The following EEPD1 variants were observed in gnomAD, a reference collection of about 807,000 sequenced individuals.
EEPD1 encodes endonuclease/exonuclease/phosphatase family domain-containing protein 1.
In EEPD1, 17 loss-of-function variants were observed where a neutral mutation model predicts 46.3. The ratio of observed to expected loss-of-function variants is 0.37; its 90% CI spans 0.25 to 0.55. The LOEUF (loss-of-function observed/expected upper bound fraction) is 0.55. EEPD1 is among the 20% of genes least tolerant of loss of function. The pLI is 0.83. For synonymous variants in EEPD1, 313 were observed against 315.6 expected (o/e 0.99, Z 0.09); for missense variants, 673 against 745.6 (o/e 0.90, Z 1.13).
At chr7:36,245,080 G>C (rs1350184364) in intron 3 of EEPD1, among the ~76,000 whole-genome samples, 2 of 151,986 alleles carry the variant, frequency 1.3e-5, no homozygotes, top group Non-Finnish European at 2.9e-5. Flanking sequence ...TGAGTAGCTG[G>C]GATTACAGGT....
At chr7:36,180,848 G>GC (rs34189283) in intron 2 of EEPD1, among the ~76,000 whole-genome samples, 1 of 151,858 alleles carries the variant, frequency 6.6e-6, no homozygotes, top group Non-Finnish European at 1.5e-5. Flanking sequence ...GCAGGCTCAG[G>GC]CCCCCCACCC....
At position 36,155,082 on chromosome 7, in the gene EEPD1, G is replaced by T; in HGVS notation, c.758G>T (p.Gly253Val). The T allele has an allele frequency of 6.3e-7, 1 of 1,587,774 alleles. No individual in the cohort carries two copies. Among genetic ancestry groups the T allele is most frequent in the Non-Finnish European group, 8.6e-7 (1 of 1,165,816 alleles). ...CGGCCGTCCGTGGAGGCCTTTGGAG[G>T]CACAAGGGATGGGAGGCCTGTGCTG... ...STRPSVEAFG[G>V]TRDGRPVLRL... The change falls in exon 2 of 8, where the codon GGC becomes GTC. Residue 253 changes from glycine to valine, a missense_variant. Gly to Val is a moderately radical substitution (Grantham distance 109). Coordinates refer to ENST00000242108, the MANE Select transcript of EEPD1 (RefSeq NM_030636.3).
intron 3 of EEPD1, among the ~76,000 whole-genome samples, chr7:36,251,054 G>A (rs1334281020): frequency 1.3e-5 from 2 of 152,198 alleles, no homozygotes; most frequent in Non-Finnish European, 2.9e-5. Flanking sequence ...CACTGGCACA[G>A]AAACAACATC....
rs192056680 is a variant in EEPD1 at position 36,292,882 on chromosome 7, C to T, written c.1316-4111C>T. 5.6e-3 allele frequency among the ~76,000 whole-genome samples: 849 copies of T among 152,204 alleles called. 7 individuals carry two copies. The highest frequency in any genetic ancestry group is 7.7e-3 in the Non-Finnish European group (521 of 68,006). On this transcript the variant is annotated intron_variant, in intron 6 of 7. Coordinates refer to ENST00000242108, the MANE Select transcript of EEPD1 (RefSeq NM_030636.3). ...CAGCCCCTCTGTGACCACTCTTCCT[C>T]CTAGCTAATTTGGATTCATAAGTCG...
intron 5 of EEPD1, among the ~76,000 whole-genome samples, chr7:36,285,057 G>T (rs537721114): frequency 1.3e-5 from 2 of 152,260 alleles, no homozygotes; most frequent in South Asian, 2.1e-4. Context: ...GAGCAGGAGA[G>T]GGGGGAAGGA....
chr7:36,292,906 C>T (rs1036283335), intron 6 of EEPD1, among the ~76,000 whole-genome samples: 5 of 151,764 alleles, frequency 3.3e-5, no homozygotes, highest in Admixed American at 6.6e-5. Flanking sequence ...ATTCATAAGT[C>T]GAAAAGAGGA....
chr7:36,184,070 A>G (rs1785321150), intron 2 of EEPD1, among the ~76,000 whole-genome samples: 1 of 152,082 alleles, frequency 6.6e-6, no homozygotes, highest in Non-Finnish European at 1.5e-5. Flanking sequence ...AAAGGCTCAG[A>G]TAGTAAATAT....
Position 36,154,242 on chromosome 7 carries a change from G to T in EEPD1, c.-83G>T. 2 of 1,468,402 alleles carry T rather than the reference G, an allele frequency of 1.4e-6. No homozygotes were observed. The highest frequency in any genetic ancestry group is 1.8e-6 in the Non-Finnish European group (2 of 1,111,258). The allele number at this position is 1,468,402 out of a possible 1,614,324, so 91.0% of individuals were successfully genotyped here. On this transcript the variant is annotated 5_prime_UTR_variant, in exon 2 of 8. Transcript: ENST00000242108. The surrounding 1 kb of genome is among the most constrained non-coding windows in gnomAD (Gnocchi z 4.2). Reference sequence around the variant, plus strand: ...CTGCACCTTCCGTTTTTCTGTGCTTGTACGGCCTACTGGGCTTCCTCCCTA... The same window carrying T: ...CTGCACCTTCCGTTTTTCTGTGCTTTTACGGCCTACTGGGCTTCCTCCCTA...
chr7:36,267,260 A>G (rs975632261), intron 3 of EEPD1, among the ~76,000 whole-genome samples: 71 of 151,964 alleles, frequency 4.7e-4, no homozygotes, highest in African/African-American at 1.6e-3. Context: ...CCCTCTTCAC[A>G]CCCTGCAGTG....
intron 6 of EEPD1, among the ~76,000 whole-genome samples, chr7:36,290,863 A>T (rs1478422285): frequency 6.6e-6 from 1 of 152,216 alleles, no homozygotes; most frequent in African/African-American, 2.4e-5. Context: ...GGAGCGACAA[A>T]GGAGCCCAGC....
intron 2 of EEPD1, among the ~76,000 whole-genome samples, chr7:36,236,564 G>A (rs1287834003): frequency 4.6e-5 from 7 of 152,204 alleles, no homozygotes; most frequent in African/African-American, 1.4e-4. Context: ...ACAAAGTCCC[G>A]CTGCCAGTGC....
intron 2 of EEPD1, among the ~76,000 whole-genome samples, chr7:36,182,870 G>A (rs1785299131): frequency 6.6e-6 from 1 of 152,248 alleles, no homozygotes; most frequent in Non-Finnish European, 1.5e-5. Flanking sequence ...GCTTTGTAAA[G>A]TTGTGCTTCA....
At chr7:36,191,897 A>G (rs1785467705) in intron 2 of EEPD1, among the ~76,000 whole-genome samples, 1 of 152,204 alleles carries the variant, frequency 6.6e-6, no homozygotes, top group Non-Finnish European at 1.5e-5. Context: ...CTGGGATCCT[A>G]AACTGTTGTG....
In EEPD1 at chr7:36,223,122, A is replaced by G. The variant is rs183601621; in HGVS notation, c.879-15863A>G. ...GCCAAGATCACGCTACTGCACTCCAACCTGGGCGACAGAGTGAGACTGTGT... is the reference window on the plus strand; with the variant it reads ...GCCAAGATCACGCTACTGCACTCCAGCCTGGGCGACAGAGTGAGACTGTGT... On this transcript the variant is annotated intron_variant, in intron 2 of 7. Coordinates refer to ENST00000242108, the MANE Select transcript of EEPD1 (RefSeq NM_030636.3). Among the ~76,000 whole-genome samples, 1,125 of 152,090 alleles carry G rather than the reference A, an allele frequency of 7.4e-3. 7 individuals carry two copies. The highest frequency in any genetic ancestry group is 0.025 in the African/African-American group (1,054 of 41,476).
chr7:36,222,562 A>C (rs1052509106), intron 2 of EEPD1, among the ~76,000 whole-genome samples: 1 of 152,178 alleles, frequency 6.6e-6, no homozygotes, highest in Non-Finnish European at 1.5e-5. Flanking sequence ...TTTGTTGCAG[A>C]TCCTTCCTGT....
intron 3 of EEPD1, among the ~76,000 whole-genome samples, chr7:36,280,769 G>A (rs1554321961): frequency 6.6e-6 from 1 of 152,166 alleles, no homozygotes; most frequent in Non-Finnish European, 1.5e-5. Context: ...AGATCCTCCT[G>A]GGACCTTCAA....
At chr7:36,281,076 C>T (rs112452368) in intron 3 of EEPD1, 39 bp from the exon 4 acceptor site, 45 of 1,589,888 alleles carry the variant, frequency 2.8e-5, no homozygotes, top group Middle Eastern at 1.7e-4. Flanking sequence ...CTGCTTTAGG[C>T]GCGAACCCAC....
Position 36,202,552 on chromosome 7 carries a change from G to A in EEPD1, c.879-36433G>A, listed in dbSNP as rs116906666. On this transcript the variant is annotated intron_variant, in intron 2 of 7. Transcript: ENST00000242108. Reference sequence around the variant, plus strand: ...CTCTGCGAGGGTGTCCACAGGAAATGAACTGTACAGATTGCTTTTAAATGA... The same window carrying A: ...CTCTGCGAGGGTGTCCACAGGAAATAAACTGTACAGATTGCTTTTAAATGA... Among the ~76,000 whole-genome samples, 872 of 152,268 alleles carry A rather than the reference G, an allele frequency of 5.7e-3. 33 individuals are homozygous for A. The highest frequency in any genetic ancestry group is 0.049 in the Admixed American group (752 of 15,284).
At chr7:36,287,947 C>T (rs1195614344) in intron 6 of EEPD1, among the ~76,000 whole-genome samples, 170 bp downstream of exon 6, 8 of 152,200 alleles carry the variant, frequency 5.3e-5, no homozygotes, top group Non-Finnish European at 7.3e-5. Flanking sequence ...TGACCCTGCA[C>T]GGCCACATCT....
Sources: gnomAD v4.1 joint callset for allele counts (sites outside exome capture counted in the v4.1 genomes callset) on GRCh38, gnomAD v4.1.1 for gene constraint, Gnocchi (gnomAD v3.1) non-coding constraint, MANE v1.5 for transcripts, NCBI Gene and HGNC (gene_info 2026-07-23, HGNC 2026-07-21) for gene names.